FGD1: variants seen among roughly 807,000 people sequenced by gnomAD.
FGD1 encodes the protein FYVE, RhoGEF and PH domain-containing protein 1.
Under a neutral mutation model 65.0 loss-of-function variants are expected in FGD1, and 12 were observed. The ratio of observed to expected loss-of-function variants is 0.18; its 90% CI spans 0.12 to 0.30. The LOEUF is 0.30. Ranked by LOEUF, FGD1 falls within the 10% of genes least tolerant of loss-of-function variation. The pLI, the probability that FGD1 is intolerant of heterozygous loss-of-function variation, is 1.00. For missense variants in FGD1, 542 were observed against 837.6 expected (o/e 0.65, Z 4.36); for synonymous variants, 333 against 343.9 (o/e 0.97, Z 0.35).
At chrX:54,483,034 A>AG (rs1233137894) in intron 1 of FGD1, among the ~76,000 whole-genome samples, 3 of 111,871 alleles carry the variant, frequency 2.7e-5, no homozygotes, top group Non-Finnish European at 5.7e-5. Flanking sequence ...CGAGGCTCAG[A>AG]GGGGTGAGAT....
chrX:54,494,885 G>A lies in FGD1; in HGVS notation c.307+241C>T, dbSNP rs185374605. Among the ~76,000 whole-genome samples the A allele has an allele frequency of 5.1e-3, 563 of 111,293 alleles. 7 individuals carry two copies. The highest frequency in any genetic ancestry group is 0.018 in the African/African-American group (537 of 30,610). On this transcript the variant is annotated intron_variant, in intron 1 of 17. Coordinates refer to ENST00000375135, the MANE Select transcript of FGD1 (RefSeq NM_004463.3). Reference sequence around the variant, plus strand: ...CTCCCATTAGCCTCAGCAGACAGAGGAGAAGGGGGTTGGAGAGGTTGAGGG... The same window carrying A: ...CTCCCATTAGCCTCAGCAGACAGAGAAGAAGGGGGTTGGAGAGGTTGAGGG...
rs751967579 is a variant in FGD1, at chrX:54,483,135, G to A, written c.308-11648C>T. On this transcript the variant is annotated intron_variant, in intron 1 of 17. Transcript: ENST00000375135. ...TGCCAGCCCCTGCCAGAGTCAGGGAGGCCCAAACAGAGATCCCTGAGGGAA... is the reference window on the plus strand; with the variant it reads ...TGCCAGCCCCTGCCAGAGTCAGGGAAGCCCAAACAGAGATCCCTGAGGGAA... 1.7e-3 allele frequency among the ~76,000 whole-genome samples: 186 copies of A among 111,761 alleles called. 1 individual carries two copies. The highest frequency in any genetic ancestry group is 4.6e-3 in the Middle Eastern group (1 of 217).
chrX:54,450,409 C>T, intron 12 of FGD1, 108 bp from the exon 13 acceptor site: 3 of 712,623 alleles, frequency 4.2e-6, no homozygotes, highest in Non-Finnish European at 6.7e-6. Flanking sequence ...GGGCTTGACC[C>T]TCTTCTTCAC....
At chrX:54,485,780 CTT>C (rs59091365) in intron 1 of FGD1, among the ~76,000 whole-genome samples, 14 of 98,902 alleles carry the variant, frequency 1.4e-4, no homozygotes, top group East Asian at 6.5e-4. Flanking sequence ...TTCAAATATG[CTT>C]TTTTTTTTTT....
intron 1 of FGD1, among the ~76,000 whole-genome samples, chrX:54,494,356 A>C (rs1258589249): frequency 9.9e-6 from 1 of 101,213 alleles, no homozygotes; most frequent in Non-Finnish European, 2.0e-5. Context: ...TTCTCCCGCC[A>C]CACACACCTG....
At chrX:54,493,210 T>C (rs1210340031) in intron 1 of FGD1, among the ~76,000 whole-genome samples, 3 of 111,448 alleles carry the variant, frequency 2.7e-5, no homozygotes, top group Non-Finnish European at 5.6e-5. Context: ...TAGGCAATAG[T>C]TACTGAGGGC....
Position 54,495,872 on chromosome X carries a change from CTCCCCGAATGGG to C in FGD1, c.-452_-441del, listed in dbSNP as rs1241787577. The stretch of plus-strand genomic sequence containing the variant: ...GATCCAAGTGCGGGGTCTCTTCTTT[CTCCCCGAATGGG>C]AATAGATCTGGGCTCTCCTGGCTGG... On this transcript the variant is annotated 5_prime_UTR_variant, in exon 1 of 18. Coordinates refer to ENST00000375135, the MANE Select transcript of FGD1 (RefSeq NM_004463.3). 8.9e-6 allele frequency: 1 copy of C among 111,980 alleles called. No homozygotes were observed. The highest frequency in any genetic ancestry group is 1.9e-5 in the Non-Finnish European group (1 of 52,871). The allele number at this position is 111,980 out of a possible 1,213,427, so 9.2% of individuals were successfully genotyped here.
intron 1 of FGD1, among the ~76,000 whole-genome samples, chrX:54,475,395 A>T (rs960257061): frequency 7.2e-5 from 8 of 111,820 alleles, no homozygotes; most frequent in Non-Finnish European, 1.1e-4. Flanking sequence ...AAAAGAGGGG[A>T]ACCAGGAGGG....
rs765954543 is a variant in FGD1, at chrX:54,473,259, ACT to A, written c.308-1774_308-1773del. ...TTAGACATTCTTCAAACATGGTTTC[ACT>A]GAGTCACAAAAGATATACATTGTCA... is the stretch of plus-strand genomic sequence containing the variant. On this transcript the variant is annotated intron_variant, in intron 1 of 17. Transcript: ENST00000375135. Among the ~76,000 whole-genome samples, 4 of 112,389 alleles carry A rather than the reference ACT, an allele frequency of 3.6e-5. No homozygotes were observed. In the South Asian group the frequency reaches 1.5e-3, roughly 41 times the overall value.
chrX:54,486,016 A>G (rs1357102052), intron 1 of FGD1, among the ~76,000 whole-genome samples: 5 of 109,667 alleles, frequency 4.6e-5, no homozygotes. Flanking sequence ...CTTGTGATCC[A>G]CCCACCTCGG....
At chrX:54,460,656 G>A (rs1018252271) in intron 8 of FGD1, among the ~76,000 whole-genome samples, 3 of 111,625 alleles carry the variant, frequency 2.7e-5, no homozygotes, top group East Asian at 2.8e-4. Context: ...CAGGAGAATC[G>A]CTTGAACTTG....
At position 54,449,700 on chromosome X, in the gene FGD1, A is replaced by G; in HGVS notation, c.2107T>C (p.Ser703Pro). 1 of 1,208,204 alleles carries G rather than the reference A, an allele frequency of 8.3e-7. No individual in the cohort carries two copies. The highest frequency in any genetic ancestry group is 1.1e-6 in the Non-Finnish European group (1 of 893,065). ...QTLETFKLLN[S>P]TNREDEDTPP... is the part of the protein sequence containing the mutation. The stretch of plus-strand genomic sequence containing the variant: ...GTGTCTTCATCTTCCCTGTTTGTTG[A>G]GTTCAACAGTTTGAAAGTCTCCAGC... Residue 703 changes from serine (S) to proline (P), a missense_variant, in exon 14 of 18, where the codon TCA (serine) becomes CCA (proline). Coordinates refer to ENST00000375135, the MANE Select transcript of FGD1 (RefSeq NM_004463.3).
intron 8 of FGD1, among the ~76,000 whole-genome samples, chrX:54,456,911 G>T: frequency 9.0e-6 from 1 of 111,240 alleles, no homozygotes; most frequent in East Asian, 2.8e-4. Context: ...GATTACAGGC[G>T]TGAGCCACCG....
intron 1 of FGD1, among the ~76,000 whole-genome samples, chrX:54,476,711 C>T (rs760786917): frequency 3.6e-5 from 4 of 110,421 alleles, no homozygotes; most frequent in Admixed American, 9.7e-5. Flanking sequence ...ACCCACACCT[C>T]CACACCTGAC....
At chrX:54,489,783 C>T (rs1923375381) in intron 1 of FGD1, among the ~76,000 whole-genome samples, 1 of 111,450 alleles carries the variant, frequency 9.0e-6, no homozygotes, top group African/African-American at 3.3e-5. Context: ...GGTGATTTCT[C>T]AAATAACTCA....
At chrX:54,452,546 G>C (rs1178426120) in intron 12 of FGD1, among the ~76,000 whole-genome samples, 1 of 110,369 alleles carries the variant, frequency 9.1e-6, no homozygotes, top group African/African-American at 3.3e-5. Flanking sequence ...AGGAGTTCAA[G>C]ACCAGCCTGG....
chrX:54,483,730 C>T (rs903643910), intron 1 of FGD1, among the ~76,000 whole-genome samples: 2 of 111,548 alleles, frequency 1.8e-5, no homozygotes, highest in Non-Finnish European at 3.8e-5. Flanking sequence ...ACCCCAGCCC[C>T]GGTCTGCTTC....
intron 1 of FGD1, among the ~76,000 whole-genome samples, chrX:54,493,077 G>T (rs1342069584): frequency 1.8e-5 from 2 of 111,121 alleles, no homozygotes; most frequent in African/African-American, 6.6e-5. Context: ...GATTGGGAAG[G>T]CATACTCAGA....
rs377661607 is a variant in FGD1 at position 54,470,131 on chromosome X, C to T, written c.986G>A (p.Arg329Gln). 3 of 1,210,067 alleles carry T rather than the reference C, an allele frequency of 2.5e-6. No individual in the cohort carries two copies. Among genetic ancestry groups the T allele is most frequent in the Admixed American group, 4.4e-5 (2 of 45,931 alleles). ...SVPVALADPH[R>Q]PGSQEVDSDL... ...ACTGTCAACCTCTTGGGAGCCAGGCCGGTGGGGGTCGGCCAAGGCAACAGG... is the reference window on the plus strand; with the variant it reads ...ACTGTCAACCTCTTGGGAGCCAGGCTGGTGGGGGTCGGCCAAGGCAACAGG... Residue 329 changes from arginine to glutamine, a missense_variant, in exon 4 of 18, where the codon CGG becomes CAG. Physicochemically the swap from Arg to Gln is conservative, Grantham distance 43. Coordinates refer to ENST00000375135, the MANE Select transcript of FGD1 (RefSeq NM_004463.3).
Sources: gnomAD v4.1 joint callset for allele counts (sites outside exome capture counted in the v4.1 genomes callset) on GRCh38, gnomAD v4.1.1 for gene constraint, MANE v1.5 for transcripts, NCBI Gene and HGNC (gene_info 2026-07-23, HGNC 2026-07-21) for gene names.